The following SPSB2 variants were observed in gnomAD, a reference collection of about 807,000 sequenced individuals.
The protein encoded by SPSB2 is splA/ryanodine receptor domain and SOCS box containing 2.
A neutral mutation model predicts 19.2 loss-of-function variants in SPSB2; 25 were observed. The ratio of observed to expected loss-of-function variants is 1.30; its 90% CI spans 0.95 to 1.82. The LOEUF is 1.82. Ranked by LOEUF, SPSB2 falls within the 40% of genes most tolerant of loss-of-function variation. SPSB2 has a pLI of 0.00. For synonymous variants in SPSB2, 153 were observed against 154.9 expected (o/e 0.99, Z 0.09); for missense variants, 413 against 344.9 (o/e 1.20, Z -1.56).
chr12:6,872,303 T>C lies in SPSB2; in HGVS notation c.599A>G (p.Tyr200Cys). The C allele has an allele frequency of 6.2e-7, 1 of 1,614,178 alleles. No individual in the cohort carries two copies. Residue 200 changes from tyrosine (Y) to cysteine (C), a missense_variant, in exon 2 of 3, where the codon TAT (tyrosine) becomes TGT (cysteine). Coordinates refer to ENST00000524270, the MANE Select transcript of SPSB2 (RefSeq NM_032641.4). ...AFRGLKGRTL[Y>C]PAVSAVWGQC... Reference sequence around the variant, plus strand: ...GCCCCAGACAGCGCTTACTGCCGGATAGAGGGTCCTGCCCTTCAGTCCGCG... The same window carrying C: ...GCCCCAGACAGCGCTTACTGCCGGACAGAGGGTCCTGCCCTTCAGTCCGCG...
rs782804993 is a variant in SPSB2, at chr12:6,872,496, C to T, written c.406G>A (p.Gly136Arg). The T allele has an allele frequency of 3.7e-6, 6 of 1,612,726 alleles. No homozygotes were observed. The African/African-American group carries it at 6.7e-5, about 18-fold the overall frequency. Residue 136 changes from glycine to arginine, a missense_variant, in exon 2 of 3, where the codon GGG becomes AGG. Coordinates refer to ENST00000524270, the MANE Select transcript of SPSB2 (RefSeq NM_032641.4). ...CTCTGATGGTACAGCTTCCCCCGCC[C>T]GATGTCCCAGCCCCACGACTCGCTG... ...SNSESWGWDI[G>R]RGKLYHQSKG...
chr12:6,871,879 C>A, intron 2 of SPSB2: 1 of 901,468 alleles, frequency 1.1e-6, no homozygotes, highest in Non-Finnish European at 1.6e-6. Flanking sequence ...CTGGCTCTGC[C>A]CATCCTTCTT....
At position 6,872,925 on chromosome 12, in the gene SPSB2, C is replaced by A; in HGVS notation, c.-24G>T. On this transcript the variant is annotated 5_prime_UTR_variant, in exon 2 of 3. Coordinates refer to ENST00000524270, the MANE Select transcript of SPSB2 (RefSeq NM_032641.4). The stretch of plus-strand genomic sequence containing the variant: ...ATGGAGGTGAGGAGCTAGAGGACTC[C>A]CCGAAAGAGGCTTGCTGGGGCGTCT... The A allele has an allele frequency of 6.7e-7, 1 of 1,494,272 alleles. No individual in the cohort carries two copies. The highest frequency in any genetic ancestry group is 9.0e-7 in the Non-Finnish European group (1 of 1,109,818). The allele number at this position is 1,494,272 out of a possible 1,614,324, so 92.6% of individuals were successfully genotyped here. A position where few individuals can be genotyped will look rare whatever the true frequency, so the allele number is the denominator to read the frequency against.
rs782612726 is a variant in SPSB2 at position 6,872,794 on chromosome 12, G to C, written c.108C>G (p.Pro36=). ...GCCGCTGGGCCCCCAGGTCAGGAGGGGGTGCAGACAGCAGCTCTTCCAAGC... is the reference window on the plus strand; with the variant it reads ...GCCGCTGGGCCCCCAGGTCAGGAGGCGGTGCAGACAGCAGCTCTTCCAAGC... ...PEGLEELLSA[P]PPDLGAQRRH... Residue 36 remains proline (P), a synonymous_variant, in exon 2 of 3, where the codon CCC becomes CCG. Coordinates refer to ENST00000524270, the MANE Select transcript of SPSB2 (RefSeq NM_032641.4). 19 of 1,612,130 alleles carry C rather than the reference G, an allele frequency of 1.2e-5. No individual in the cohort carries two copies. Among genetic ancestry groups the C allele is most frequent in the Middle Eastern group, 1.6e-4 (1 of 6,062 alleles).
intron 2 of SPSB2, chr12:6,871,938 C>T (rs1177770506): frequency 7.2e-7 from 1 of 1,390,000 alleles, no homozygotes; most frequent in Non-Finnish European, 9.5e-7. Context: ...ACCTCTTGCT[C>T]AGGGGTTGAT....
chr12:6,872,618 C>T lies in SPSB2; in HGVS notation c.284G>A (p.Trp95Ter). 1 of 1,610,220 alleles carries T rather than the reference C, an allele frequency of 6.2e-7. No homozygotes were observed. ...ATGCGTGCCCCTCTGCTCTAGGGGCCAGCTGATCTCCCAGGCGTGCAGGCC... is the reference window on the plus strand; with the variant it reads ...ATGCGTGCCCCTCTGCTCTAGGGGCTAGCTGATCTCCCAGGCGTGCAGGCC... Reference protein sequence around the residue: ...SRGLHAWEISWPLEQRGTHAV... With the variant: ...SRGLHAWEIS Residue 95 changes from tryptophan (W) to a stop codon, truncating the protein, a stop_gained, in exon 2 of 3, where the codon TGG (tryptophan) becomes TAG (stop). Transcript: ENST00000524270. LOFTEE classifies it high-confidence loss of function.
chr12:6,871,146 G>T lies in SPSB2; in HGVS notation c.*46C>A. 6.4e-7 allele frequency: 1 copy of T among 1,558,864 alleles called. No individual in the cohort carries two copies. The highest frequency in any genetic ancestry group is 1.2e-5 in the South Asian group (1 of 85,070). ...CAGTGCCTCCCCACCTCCCCAAGGG[G>T]AGGGGTGGTGGCAAGACCTCAGCAC... On this transcript the variant is annotated 3_prime_UTR_variant, in exon 3 of 3. Coordinates refer to ENST00000524270, the MANE Select transcript of SPSB2 (RefSeq NM_032641.4).
chr12:6,872,960 G>T lies in SPSB2; in HGVS notation c.-59C>A. 8.0e-7 allele frequency: 1 copy of T among 1,252,324 alleles called. No homozygotes were observed. Among genetic ancestry groups the T allele is most frequent in the Non-Finnish European group, 1.1e-6 (1 of 904,874 alleles). The allele number at this position is 1,252,324 out of a possible 1,614,324, so 77.6% of individuals were successfully genotyped here. The stretch of plus-strand genomic sequence containing the variant: ...GCTTGCTGGGGCGTCTTTCTCTTCT[G>T]AAAGTTGAGCTCCAGTTTGGATTGA... On this transcript the variant is annotated 5_prime_UTR_variant, in exon 2 of 3. Transcript: ENST00000524270.
At position 6,872,266 on chromosome 12, in the gene SPSB2, G is replaced by A; in HGVS notation, c.636C>T (p.Val212=). ...AVSAVWGQCQ[V]RIRYLGERRA... Reference sequence around the variant, plus strand: ...TCCTTTCGCCCAGGTAGCGGATGCGGACCTGGCACTGGCCCCAGACAGCGC... The same window carrying A: ...TCCTTTCGCCCAGGTAGCGGATGCGAACCTGGCACTGGCCCCAGACAGCGC... Residue 212 remains valine, a synonymous_variant, in exon 2 of 3, where the codon GTC becomes GTT. Transcript: ENST00000524270. The A allele has an allele frequency of 6.2e-7, 1 of 1,614,132 alleles. No homozygotes were observed. The highest frequency in any genetic ancestry group is 1.3e-5 in the African/African-American group (1 of 75,056).
Position 6,872,273 on chromosome 12 carries a change from C to A in SPSB2, c.629G>T (p.Cys210Phe). Residue 210 changes from cysteine to phenylalanine, a missense_variant, in exon 2 of 3, where the codon TGC becomes TTC. Cys to Phe is a radical substitution (Grantham distance 205, BLOSUM62 -2). Transcript: ENST00000524270. ...YPAVSAVWGQ[C>F]QVRIRYLGER... ...GCCCAGGTAGCGGATGCGGACCTGGCACTGGCCCCAGACAGCGCTTACTGC... is the reference window on the plus strand; with the variant it reads ...GCCCAGGTAGCGGATGCGGACCTGGAACTGGCCCCAGACAGCGCTTACTGC... 6.2e-7 allele frequency: 1 copy of A among 1,614,170 alleles called. No individual in the cohort carries two copies.
At position 6,871,261 on chromosome 12, in the gene SPSB2, A is replaced by T; in HGVS notation, c.723T>A (p.Asp241Glu). 1 of 1,613,992 alleles carries T rather than the reference A, an allele frequency of 6.2e-7. No individual in the cohort carries two copies. Among genetic ancestry groups the T allele is most frequent in the African/African-American group, 1.3e-5 (1 of 75,062 alleles). ...SRLCVRHNLG[D>E]TRLGQVSALP... ...GGGCAGACACCTGGCCGAGCCGGGT[A>T]TCCCCCAGGTTGTGGCGCACACACA... Residue 241 changes from aspartate to glutamate, a missense_variant, in exon 3 of 3, where the codon GAT becomes GAA. Transcript: ENST00000524270.
intron 1 of SPSB2, 117 bp from the exon 2 acceptor site, chr12:6,873,114 C>CT: frequency 1.8e-6 from 1 of 542,444 alleles, no homozygotes; most frequent in Non-Finnish European, 3.3e-6. Flanking sequence ...TGCCCCAAAG[C>CT]TCCTGGGCCC....
chr12:6,871,968 C>A, intron 2 of SPSB2: 1 of 1,442,812 alleles, frequency 6.9e-7, no homozygotes, highest in South Asian at 1.5e-5. Flanking sequence ...ATTCTCTCAT[C>A]CCTGCAGTTC....
rs1402204323 is a variant in SPSB2 at position 6,872,823 on chromosome 12, C to G, written c.79G>C (p.Glu27Gln). ...QALYPDLSCPEGLEELLSAPP... is the reference protein window; with the variant it reads ...QALYPDLSCPQGLEELLSAPP... ...GCAGACAGCAGCTCTTCCAAGCCCT[C>G]GGGACAGGAGAGGTCAGGGTACAGG... The change falls in exon 2 of 3, where the codon GAG (glutamate) becomes CAG (glutamine). Residue 27 changes from glutamate to glutamine, a missense_variant. Transcript: ENST00000524270. 6.2e-7 allele frequency: 1 copy of G among 1,611,762 alleles called. No homozygotes were observed. The highest frequency in any genetic ancestry group is 1.1e-5 in the South Asian group (1 of 91,076).
In SPSB2 at chr12:6,871,330, G is replaced by A. The variant is rs781983074; in HGVS notation, c.665-11C>T. 6.3e-6 allele frequency: 10 copies of A among 1,595,194 alleles called. No homozygotes were observed. In the East Asian group the frequency reaches 1.8e-4, roughly 28 times the overall value. ...GGGAGTGTGGCTCCGCTGGGAGAGAGAAGGAGGGGAATGTAAGTATGGGTG... is the reference window on the plus strand; with the variant it reads ...GGGAGTGTGGCTCCGCTGGGAGAGAAAAGGAGGGGAATGTAAGTATGGGTG... On this transcript the variant is annotated splice_polypyrimidine_tract_variant and intron_variant, in intron 2 of 2. Coordinates refer to ENST00000524270, the MANE Select transcript of SPSB2 (RefSeq NM_032641.4).
Position 6,871,272 on chromosome 12 carries a change from T to G in SPSB2, c.712A>C (p.Asn238His). 6.2e-7 allele frequency: 1 copy of G among 1,614,018 alleles called. No homozygotes were observed. The highest frequency in any genetic ancestry group is 8.5e-7 in the Non-Finnish European group (1 of 1,179,998). ...TGGCCGAGCCGGGTATCCCCCAGGT[T>G]GTGGCGCACACACAGGCGGCTCAGG... is the stretch of plus-strand genomic sequence containing the variant. ...LHLSRLCVRHNLGDTRLGQVS... is the reference protein window; with the variant it reads ...LHLSRLCVRHHLGDTRLGQVS... The change falls in exon 3 of 3, where the codon AAC becomes CAC. Residue 238 changes from asparagine (N) to histidine (H), a missense_variant. By Grantham distance (68) the Asn-to-His change is moderately conservative (BLOSUM62 1). Coordinates refer to ENST00000524270, the MANE Select transcript of SPSB2 (RefSeq NM_032641.4).
chr12:6,872,538 C>T lies in SPSB2; in HGVS notation c.364G>A (p.Ala122Thr), dbSNP rs1944618269. ...GACTCGCTGTTGCTGCCCAGCAGCG[C>T]CGCGTAGTGGTCAGTCTGCAGCGGG... ...LAPLQTDHYA[A>T]LLGSNSESWG... The change falls in exon 2 of 3, where the codon GCG becomes ACG. Residue 122 changes from alanine (A) to threonine (T), a missense_variant. By Grantham distance (58) the Ala-to-Thr change is moderately conservative. Coordinates refer to ENST00000524270, the MANE Select transcript of SPSB2 (RefSeq NM_032641.4). 1 of 1,611,152 alleles carries T rather than the reference C, an allele frequency of 6.2e-7. No individual in the cohort carries two copies. The highest frequency in any genetic ancestry group is 1.1e-5 in the South Asian group (1 of 91,066).
Position 6,872,902 on chromosome 12 carries a change from G to A in SPSB2, c.-1C>T, listed in dbSNP as rs545526842. On this transcript the variant is annotated 5_prime_UTR_variant, in exon 2 of 3. Transcript: ENST00000524270. ...CCCCTGCCAGAGCTGTCTGGCCCAT[G>A]GAGGTGAGGAGCTAGAGGACTCCCC... 431 of 1,560,918 alleles carry A rather than the reference G, an allele frequency of 2.8e-4. 4 individuals are homozygous for A. In the South Asian group the frequency reaches 4.7e-3, roughly 17 times the overall value.
chr12:6,872,214 C>T, intron 2 of SPSB2, 24 bp downstream of exon 2: 1 of 1,613,980 alleles, frequency 6.2e-7, no homozygotes, highest in East Asian at 2.2e-5. Flanking sequence ...AGAAAGTTCT[C>T]CCCACGTCTG....
Sources: allele counts gnomAD v4.1 joint callset, GRCh38; gene constraint gnomAD v4.1.1; transcripts MANE v1.5; gene names NCBI Gene and HGNC (gene_info 2026-07-23, HGNC 2026-07-21).